The following PRSS38 variants were observed in gnomAD, a reference collection of about 807,000 sequenced individuals.
PRSS38 encodes marapsin 2.
Under a neutral mutation model 26.8 loss-of-function variants are expected in PRSS38, and 22 were observed. The ratio of observed to expected loss-of-function variants is 0.82; its 90% CI spans 0.59 to 1.17. The LOEUF (loss-of-function observed/expected upper bound fraction) is 1.17, where lower values mean the gene tolerates loss of function less well. Among genes scored for constraint, PRSS38 ranks in the 50% most tolerant of loss-of-function variants. The probability of loss-of-function intolerance (pLI) is 0.00; values close to 1 mark genes in which losing one functional copy is unlikely to be tolerated. For synonymous variants in PRSS38, 175 were observed against 172.1 expected (o/e 1.02, Z -0.13); for missense variants, 427 against 422.7 (o/e 1.01, Z -0.09).
intron 3 of PRSS38, 74 bp from the exon 4 acceptor site, chr1:227,845,396 C>A: frequency 9.6e-7 from 1 of 1,041,660 alleles, no homozygotes; most frequent in South Asian, 1.4e-5. Context: ...CCCTTGGTGT[C>A]CACTGTGGGG....
chr1:227,823,083 A>G (rs1258326596), intron 3 of PRSS38, among the ~76,000 whole-genome samples: 1 of 152,062 alleles, frequency 6.6e-6, no homozygotes, highest in East Asian at 1.9e-4. Context: ...CTCATCCCCC[A>G]TCACCTTCCC....
At chr1:227,815,729 G>A (rs1347665677) in exon 1 of PRSS38, 2 of 1,592,484 alleles carry the variant, frequency 1.3e-6, no homozygotes, top group Non-Finnish European at 1.7e-6. Context: ...GGCTGCCCCT[G>A]CTTCCGTCAT....
intron 3 of PRSS38, among the ~76,000 whole-genome samples, chr1:227,823,000 G>A (rs1665023274): frequency 6.6e-6 from 1 of 152,100 alleles, no homozygotes. Flanking sequence ...TGGATATATT[G>A]CATAGGGGTG....
chr1:227,824,183 C>T (rs951916215), intron 3 of PRSS38, among the ~76,000 whole-genome samples: 1 of 152,098 alleles, frequency 6.6e-6, no homozygotes, highest in Non-Finnish European at 1.5e-5. Flanking sequence ...GTATTAAGCC[C>T]AGCATCCATT....
intron 3 of PRSS38, among the ~76,000 whole-genome samples, chr1:227,826,061 C>T (rs770167000): frequency 3.9e-5 from 6 of 152,078 alleles, no homozygotes; most frequent in Non-Finnish European, 7.4e-5. Context: ...TTTCTTTGAG[C>T]AGTGGTTTGT....
At chr1:227,817,235 T>G in exon 3 of PRSS38, 1 of 1,613,986 alleles carries the variant, frequency 6.2e-7, no homozygotes, top group South Asian at 1.1e-5. Context: ...ATCTATGACA[T>G]GTACGTAGGC....
chr1:227,833,614 G>T (rs1665194274), intron 3 of PRSS38, among the ~76,000 whole-genome samples: 3 of 152,114 alleles, frequency 2.0e-5, no homozygotes, highest in Admixed American at 2.0e-4. Context: ...GTGGGTTATG[G>T]CATAAGGAGA....
rs766085098 is a variant in PRSS38 at position 227,846,172 on chromosome 1, C to T, written c.945C>T (p.Val315=). The T allele has an allele frequency of 1.2e-5, 19 of 1,612,852 alleles. 1 individual carries two copies. In the East Asian group the frequency reaches 3.8e-4, roughly 32 times the overall value. Residue 315 remains valine, a synonymous_variant, in exon 5 of 5, where the codon GTC becomes GTT. Coordinates refer to ENST00000366757, the Ensembl canonical transcript of PRSS38. ...CAGCTCTGGGGCCCACTCTCAGCGT[C>T]CTAATGGCCATGCTGGCTGGCTGGT...
chr1:227,816,295 G>T lies in PRSS38; in HGVS notation c.311+43G>T, dbSNP rs1664915064. On this transcript the variant is annotated intron_variant, in intron 2 of 4. Transcript: ENST00000366757. The surrounding 1 kb of genome is among the most constrained non-coding windows in gnomAD (Gnocchi z 5.1). Reference sequence around the variant, plus strand: ...TGGGATGGTGTGGGTAGCTGGGCCTGCACGGAGTGCCCACAGCGGCTTGGA... The same window carrying T: ...TGGGATGGTGTGGGTAGCTGGGCCTTCACGGAGTGCCCACAGCGGCTTGGA... The T allele has an allele frequency of 1.3e-6, 2 of 1,580,834 alleles. No homozygotes were observed. Among genetic ancestry groups the T allele is most frequent in the Non-Finnish European group, 1.7e-6 (2 of 1,157,420 alleles).
At chr1:227,824,420 A>G (rs1017302886) in intron 3 of PRSS38, among the ~76,000 whole-genome samples, 1 of 152,218 alleles carries the variant, frequency 6.6e-6, no homozygotes, top group South Asian at 2.1e-4. Context: ...TCATGGCTGC[A>G]TAGTATTCCA....
intron 3 of PRSS38, among the ~76,000 whole-genome samples, chr1:227,823,583 C>T (rs1036034121): frequency 2.6e-5 from 4 of 152,114 alleles, no homozygotes; most frequent in African/African-American, 9.7e-5. Context: ...TCATGAATGG[C>T]TTGGTGCCAT....
At chr1:227,821,681 GT>G in intron 3 of PRSS38, among the ~76,000 whole-genome samples, 1 of 152,202 alleles carries the variant, frequency 6.6e-6, no homozygotes, top group East Asian at 1.9e-4. Flanking sequence ...GATCTCCTTA[GT>G]TTTTTATGAG....
intron 3 of PRSS38, among the ~76,000 whole-genome samples, chr1:227,817,901 G>A (rs1280306092): frequency 6.6e-6 from 1 of 152,088 alleles, no homozygotes; most frequent in Non-Finnish European, 1.5e-5. Context: ...TTTTAAAATT[G>A]CATTTGCTAA....
chr1:227,837,397 T>A (rs6701850), intron 3 of PRSS38, among the ~76,000 whole-genome samples: 39,803 of 152,158 alleles, frequency 0.26, 5,313 homozygotes, highest in Non-Finnish European at 0.28. Context: ...TTTTTGAGAT[T>A]CATTCATGTT....
At chr1:227,825,619 C>T (rs1206226626) in intron 3 of PRSS38, among the ~76,000 whole-genome samples, 1 of 152,180 alleles carries the variant, frequency 6.6e-6, no homozygotes, top group Non-Finnish European at 1.5e-5. Context: ...CTCCCAGCAC[C>T]ATTTATTAAA....
intron 4 of PRSS38, 118 bp from the exon 5 acceptor site, chr1:227,845,836 G>C: frequency 7.1e-7 from 1 of 1,406,706 alleles, no homozygotes; most frequent in Non-Finnish European, 9.7e-7. Context: ...GTGAGAGGGG[G>C]GCACTGGCCC....
Position 227,816,330 on chromosome 1 carries a change from C to G in PRSS38, c.311+78C>G. On this transcript the variant is annotated intron_variant, in intron 2 of 4. Transcript: ENST00000366757. The surrounding 1 kb of genome is among the most constrained non-coding windows in gnomAD (Gnocchi z 5.1). ...CCCACAGCGGCTTGGATGGACCCCA[C>G]GCAAGCCTCCCCCATCACCATTGTC... The G allele has an allele frequency of 2.1e-6, 3 of 1,423,184 alleles. No homozygotes were observed. The highest frequency in any genetic ancestry group is 9.6e-7 in the Non-Finnish European group (1 of 1,037,068). 88.2% of individuals were successfully genotyped at this position (1,423,184 alleles called of 1,614,324 possible).
At chr1:227,842,368 G>A (rs1297016962) in intron 3 of PRSS38, among the ~76,000 whole-genome samples, 1 of 151,714 alleles carries the variant, frequency 6.6e-6, no homozygotes, top group Non-Finnish European at 1.5e-5. Context: ...GTCCATCTCT[G>A]TTTGTTTGGG....
chr1:227,817,041 G>T (rs958757642), intron 2 of PRSS38, among the ~76,000 whole-genome samples, 168 bp from the exon 3 acceptor site: 1 of 152,162 alleles, frequency 6.6e-6, no homozygotes, highest in Admixed American at 6.5e-5. Flanking sequence ...GACTCTTTAG[G>T]GGGCAACTCT....
Sources: allele counts gnomAD v4.1 joint callset (sites outside exome capture counted in the v4.1 genomes callset), GRCh38; gene constraint gnomAD v4.1.1; non-coding constraint Gnocchi (gnomAD v3.1); transcripts MANE v1.5; gene names NCBI Gene and HGNC (gene_info 2026-07-23, HGNC 2026-07-21).